The following ANK3 variants were observed in gnomAD, a reference collection of about 807,000 sequenced individuals.
ANK3 encodes the protein ankyrin 3.
In ANK3, 57 loss-of-function variants were observed where a neutral mutation model predicts 370.9. The ratio of observed to expected loss-of-function variants is 0.15; its 90% confidence interval spans 0.12 to 0.19. The LOEUF (loss-of-function observed/expected upper bound fraction) is 0.19, where lower values mean the gene tolerates loss of function less well. Ranked by LOEUF, ANK3 falls within the 10% of genes least tolerant of loss-of-function variation. ANK3 has a pLI of 1.00. For synonymous variants in ANK3, 1,929 were observed against 1,946.3 expected (o/e 0.99, Z 0.23); for missense variants, 4,439 against 5,302.1 (o/e 0.84, Z 5.06).
At chr10:60,171,237 T>C (rs1487724500) in intron 21 of ANK3, among the ~76,000 whole-genome samples, 1 of 152,238 alleles carries the variant, frequency 6.6e-6, no homozygotes, top group Non-Finnish European at 1.5e-5. Context: ...ATCATTGTTC[T>C]ATTCCATTAA....
chr10:60,135,292 C>T lies in ANK3; in HGVS notation c.2739-919G>A, dbSNP rs562519247. On this transcript the variant is annotated intron_variant, in intron 24 of 43. Transcript: ENST00000280772. ...GATGGAGGTTGGTGAGGAGCTTCCA[C>T]GAGATCATCTGCTACTCACCTCCCC... 3.9e-4 allele frequency among the ~76,000 whole-genome samples: 59 copies of T among 152,340 alleles called. 1 individual carries two copies. The highest frequency in any genetic ancestry group is 2.1e-4 in the South Asian group (1 of 4,828).
At chr10:60,585,897 A>G (rs780794047) in intron 2 of ANK3, among the ~76,000 whole-genome samples, 29 of 151,992 alleles carry the variant, frequency 1.9e-4, no homozygotes, top group Non-Finnish European at 3.1e-4. Context: ...GGTGGCGGGT[A>G]CCTGTAATCC....
chr10:60,677,662 T>A (rs74155674), intron 1 of ANK3, among the ~76,000 whole-genome samples: 3 of 151,930 alleles, frequency 2.0e-5, no homozygotes, highest in African/African-American at 7.2e-5. Context: ...TTATGAACGA[T>A]AAAAGCACTG....
chr10:60,266,374 C>T (rs1343734400), intron 5 of ANK3, among the ~76,000 whole-genome samples: 1 of 152,084 alleles, frequency 6.6e-6, no homozygotes, highest in African/African-American at 2.4e-5. Context: ...TGTACTTTCT[C>T]ATTTATGTAA....
At chr10:60,557,053 C>A (rs996617603) in intron 2 of ANK3, among the ~76,000 whole-genome samples, 1 of 152,206 alleles carries the variant, frequency 6.6e-6, no homozygotes, top group Non-Finnish European at 1.5e-5. Flanking sequence ...CTGCTGTCGT[C>A]TGTGGAAAAA....
In ANK3 at chr10:60,570,825, T is replaced by C. The variant is rs572577448; in HGVS notation, c.96+44361A>G. On this transcript the variant is annotated intron_variant, in intron 2 of 43. Transcript: ENST00000373827. ...CATATGAGGAGACATGGAACACAGC[T>C]GGGAAAATTTCAAGGTAGAGAGAGG... Among the ~76,000 whole-genome samples the C allele has an allele frequency of 2.6e-5, 4 of 152,080 alleles. No homozygotes were observed. The South Asian group carries it at 8.3e-4, about 32-fold the overall frequency.
chr10:60,401,207 C>T (rs890991080), intron 2 of ANK3, among the ~76,000 whole-genome samples: 1 of 151,988 alleles, frequency 6.6e-6, no homozygotes, highest in Admixed American at 6.6e-5. Flanking sequence ...AGTGGAATGG[C>T]GGTTCTCAGG....
intron 23 of ANK3, among the ~76,000 whole-genome samples, chr10:60,163,519 TA>T (rs1272132245): frequency 6.6e-6 from 1 of 152,200 alleles, no homozygotes; most frequent in African/African-American, 2.4e-5. Flanking sequence ...CCTTAATTTT[TA>T]TTTTTTTGAG....
At chr10:60,402,611 C>T (rs756027582) in intron 2 of ANK3, among the ~76,000 whole-genome samples, 1 of 152,138 alleles carries the variant, frequency 6.6e-6, no homozygotes, top group Non-Finnish European at 1.5e-5. Flanking sequence ...TAAAAAAGAA[C>T]AAAAGCAATT....
chr10:60,572,896 G>A (rs1360408905), intron 2 of ANK3: 2 of 1,022,570 alleles, frequency 2.0e-6, no homozygotes, highest in Admixed American at 5.4e-5. Context: ...GTGAGAGAGA[G>A]AGAAAGAGAG....
intron 2 of ANK3, among the ~76,000 whole-genome samples, chr10:60,548,278 C>T (rs928430971): frequency 7.6e-6 from 1 of 131,716 alleles, no homozygotes; most frequent in Non-Finnish European, 1.5e-5. Flanking sequence ...ATGACATGAT[C>T]TCGGCTCACT....
chr10:60,260,540 A>T lies in ANK3; in HGVS notation c.798+1319T>A, dbSNP rs2097788663. ...GTGCTGCTTGATATTGTGTAGATGT[A>T]TGTCCCCACCCAAATCTCACGTTGA... On this transcript the variant is annotated intron_variant, in intron 7 of 43. Transcript: ENST00000280772. 4.0e-5 allele frequency among the ~76,000 whole-genome samples: 6 copies of T among 151,684 alleles called. No homozygotes were observed. The South Asian group carries it at 1.0e-3, about 26-fold the overall frequency.
chr10:60,030,716 G>C (rs796314880), intron 43 of ANK3, among the ~76,000 whole-genome samples: 31 of 152,320 alleles, frequency 2.0e-4, no homozygotes, highest in African/African-American at 7.0e-4. Flanking sequence ...AGCTTGGAGA[G>C]ACAGATTTGA....
At chr10:60,080,459 T>A (rs760289256) in intron 36 of ANK3, 78 bp downstream of exon 36, 1 of 1,277,580 alleles carries the variant, frequency 7.8e-7, no homozygotes, top group South Asian at 1.3e-5. Context: ...TTCCAAATGA[T>A]AAAATTTGGT....
intron 2 of ANK3, among the ~76,000 whole-genome samples, chr10:60,502,813 G>GAA (rs1226445075): frequency 2.4e-5 from 2 of 82,158 alleles, no homozygotes; most frequent in Admixed American, 1.3e-4. Context: ...AGAAAAAAGA[G>GAA]AAGAAAAGAA....
chr10:60,216,061 C>T (rs1463786896), intron 8 of ANK3, among the ~76,000 whole-genome samples: 2 of 152,146 alleles, frequency 1.3e-5, no homozygotes, highest in Non-Finnish European at 2.9e-5. Flanking sequence ...AGAGGTCCTT[C>T]ACATCCCTTG....
At chr10:60,620,041 C>T (rs774454696) in intron 1 of ANK3, among the ~76,000 whole-genome samples, 4 of 151,938 alleles carry the variant, frequency 2.6e-5, no homozygotes, top group Non-Finnish European at 5.9e-5. Context: ...ATTTATAAAG[C>T]CAGGAATGGG....
intron 1 of ANK3, among the ~76,000 whole-genome samples, chr10:60,661,068 A>G (rs1411621430): frequency 6.6e-6 from 1 of 152,000 alleles, no homozygotes; most frequent in East Asian, 1.9e-4. Context: ...TAAAATGATC[A>G]GAAAGATGAG....
rs141778193 is a variant in ANK3, at chr10:60,688,687, G to A, written c.57+44576C>T. Among the ~76,000 whole-genome samples, 4 of 152,326 alleles carry A rather than the reference G, an allele frequency of 2.6e-5. No homozygotes were observed. In the East Asian group the frequency reaches 7.7e-4, roughly 29 times the overall value. On this transcript the variant is annotated intron_variant, in intron 1 of 43. Coordinates refer to the ANK3 transcript ENST00000373827. ...AATCAGGCCGGGTGCGGTGGCACAT[G>A]CCTGTAATCCCAGCACTTTAGGAGG...
Sources: gnomAD v4.1 joint callset for allele counts (sites outside exome capture counted in the v4.1 genomes callset) on GRCh38, gnomAD v4.1.1 for gene constraint, MANE v1.5 for transcripts, NCBI Gene and HGNC (gene_info 2026-07-23, HGNC 2026-07-21) for gene names.